The following ZDHHC7 variants were observed in gnomAD, a reference collection of about 807,000 sequenced individuals.
ZDHHC7 encodes palmitoyltransferase ZDHHC7.
ZDHHC7 carries 12 observed loss-of-function variants against 34.1 expected under a neutral mutation model. That is an observed-to-expected ratio of 0.35 (90% CI 0.23 to 0.57). ZDHHC7 has a LOEUF of 0.57. ZDHHC7 is among the 20% of genes least tolerant of loss of function. The pLI is 0.84. For missense variants in ZDHHC7, 388 were observed against 402.7 expected (o/e 0.96, Z 0.31); for synonymous variants, 185 against 155.4 (o/e 1.19, Z -1.42).
chr16:85,026,863 T>G, the ZDHHC7 span, among the ~76,000 whole-genome samples: 1 of 152,048 alleles, frequency 6.6e-6, no homozygotes, highest in Non-Finnish European at 1.5e-5. Context: ...AAATTTGAGG[T>G]GTCAGTCAAT....
chr16:85,005,521 T>C (rs990939108), intron 1 of ZDHHC7, among the ~76,000 whole-genome samples: 1 of 152,234 alleles, frequency 6.6e-6, no homozygotes, highest in Non-Finnish European at 1.5e-5. Context: ...AGTGCCTTGC[T>C]CAGATCCACA....
the ZDHHC7 span, among the ~76,000 whole-genome samples, chr16:85,025,709 CCT>C: frequency 2.0e-5 from 3 of 152,270 alleles, no homozygotes; most frequent in East Asian, 1.9e-4. Flanking sequence ...CGCCCGGCCC[CCT>C]CTCTTTTAAA....
rs537213356 is a variant in ZDHHC7 at position 84,974,209 on chromosome 16, G to A, written c.*2134C>T. On this transcript the variant is annotated 3_prime_UTR_variant, in exon 8 of 8. Coordinates refer to ENST00000313732, the MANE Select transcript of ZDHHC7 (RefSeq NM_017740.3). The stretch of plus-strand genomic sequence containing the variant: ...TTTGAAACATTGTTTTTATTTCAAC[G>A]TGCACTAAAAAAAGGACTAAGTAAA... The A allele has an allele frequency of 2.7e-4, 41 of 152,234 alleles. No individual in the cohort carries two copies. Among genetic ancestry groups the A allele is most frequent in the South Asian group, 8.3e-4 (4 of 4,832 alleles). 9.4% of individuals were successfully genotyped at this position (152,234 alleles called of 1,614,324 possible).
chr16:84,982,723 C>T (rs2072386578), intron 3 of ZDHHC7, among the ~76,000 whole-genome samples: 1 of 152,256 alleles, frequency 6.6e-6, no homozygotes, highest in Non-Finnish European at 1.5e-5. Context: ...GACCACCTGA[C>T]CCGATTCATG....
At chr16:84,995,198 G>T (rs542284431) in intron 2 of ZDHHC7, among the ~76,000 whole-genome samples, 2 of 152,268 alleles carry the variant, frequency 1.3e-5, no homozygotes, top group East Asian at 3.9e-4. Context: ...CCTAATGGCC[G>T]ATTTAATGGG....
chr16:85,012,001 C>T (rs2143775746), upstream of ZDHHC7, among the ~76,000 whole-genome samples: 1 of 152,312 alleles, frequency 6.6e-6, no homozygotes, highest in African/African-American at 2.4e-5. Flanking sequence ...CCGCGGAGCC[C>T]CCGGCCTCCT....
chr16:85,002,665 G>C (rs1177433597), intron 1 of ZDHHC7, among the ~76,000 whole-genome samples: 1 of 152,140 alleles, frequency 6.6e-6, no homozygotes, highest in African/African-American at 2.4e-5. Context: ...GGACATTAAG[G>C]AAAAGCTGAG....
chr16:85,020,910 G>C, the ZDHHC7 span, among the ~76,000 whole-genome samples: 1 of 151,948 alleles, frequency 6.6e-6, no homozygotes, highest in East Asian at 1.9e-4. Context: ...TTTGAGACCA[G>C]TCTGGGCAAC....
In ZDHHC7 at chr16:84,977,989, G is replaced by C. The variant is rs778309933; in HGVS notation, c.554C>G (p.Ser185Cys). The C allele has an allele frequency of 2.5e-6, 4 of 1,613,704 alleles. No individual in the cohort carries two copies. In the Admixed American group the frequency reaches 6.7e-5, roughly 27 times the overall value. The change falls in exon 6 of 8, where the codon TCT becomes TGT. Residue 185 changes from serine to cysteine, a missense_variant. Coordinates refer to ENST00000313732, the MANE Select transcript of ZDHHC7 (RefSeq NM_017740.3). The part of the protein sequence containing the change: ...FVLFTMYIAL[S>C]SVHALILCGF... Reference sequence around the variant, plus strand: ...ACAAAGGATCAGAGCATGGACTGAAGACAGAGCTATATACATCTAGAATGA... The same window carrying C: ...ACAAAGGATCAGAGCATGGACTGAACACAGAGCTATATACATCTAGAATGA...
At chr16:85,001,365 G>C (rs1289989610) in intron 1 of ZDHHC7, among the ~76,000 whole-genome samples, 1 of 151,108 alleles carries the variant, frequency 6.6e-6, no homozygotes, top group Non-Finnish European at 1.5e-5. Flanking sequence ...TAGCTACTTG[G>C]GCAGCTGAGG....
intron 3 of ZDHHC7, among the ~76,000 whole-genome samples, chr16:84,984,571 T>C (rs554109426): frequency 6.6e-6 from 1 of 152,294 alleles, no homozygotes; most frequent in East Asian, 1.9e-4. Context: ...ACCCCAACGC[T>C]ACCCCAGTTT....
chr16:85,023,189 C>T, the ZDHHC7 span, among the ~76,000 whole-genome samples: 9 of 142,976 alleles, frequency 6.3e-5, no homozygotes, highest in Admixed American at 1.4e-4. Context: ...TTTTTTGAGA[C>T]GAAGTATCGC....
At chr16:84,999,287 A>G (rs1327954404) in intron 1 of ZDHHC7, among the ~76,000 whole-genome samples, 1 of 152,200 alleles carries the variant, frequency 6.6e-6, no homozygotes, top group Non-Finnish European at 1.5e-5. Context: ...TTAAAAAGTA[A>G]CCACTTTGGA....
rs764180330 is a variant in ZDHHC7, at chr16:84,974,761, G to A, written c.*1582C>T. ...GTGACGCAGCTCTTCCCCCAACGGC[G>A]CACACGCTTCTGCGGTGACCAAGTC... On this transcript the variant is annotated 3_prime_UTR_variant, in exon 8 of 8. Transcript: ENST00000313732. 148 of 152,752 alleles carry A rather than the reference G, an allele frequency of 9.7e-4. No individual in the cohort carries two copies. Among genetic ancestry groups the A allele is most frequent in the Non-Finnish European group, 1.3e-3 (87 of 68,056 alleles). 9.5% of individuals were successfully genotyped at this position (152,752 alleles called of 1,614,324 possible). A position where few individuals can be genotyped will look rare whatever the true frequency, so the allele number is the denominator to read the frequency against.
intron 3 of ZDHHC7, among the ~76,000 whole-genome samples, chr16:84,983,850 A>C (rs551212911): frequency 6.6e-6 from 1 of 151,526 alleles, no homozygotes; most frequent in East Asian, 2.0e-4. Context: ...AAATACAAAA[A>C]TTAGCTGGGC....
chr16:85,019,662 G>A, the ZDHHC7 span, among the ~76,000 whole-genome samples: 1 of 152,116 alleles, frequency 6.6e-6, no homozygotes. Context: ...AGGTTACAGT[G>A]AGCCGAGATT....
intron 4 of ZDHHC7, 168 bp from the exon 5 acceptor site, chr16:84,979,453 T>A: frequency 2.8e-6 from 2 of 709,362 alleles, no homozygotes; most frequent in African/African-American, 1.9e-5. Flanking sequence ...TCATTTTAAT[T>A]AAATGTCTTC....
At chr16:85,018,527 A>G in the ZDHHC7 span, among the ~76,000 whole-genome samples, 1 of 151,830 alleles carries the variant, frequency 6.6e-6, no homozygotes, top group African/African-American at 2.4e-5. Context: ...AGCTCACCGC[A>G]ACCTCCATCT....
chr16:84,981,139 G>T (rs888836762), intron 4 of ZDHHC7, among the ~76,000 whole-genome samples: 1 of 152,098 alleles, frequency 6.6e-6, no homozygotes, highest in Non-Finnish European at 1.5e-5. Context: ...ACTTCAACAC[G>T]TGAAATCAAC....
Sources: gnomAD v4.1 joint callset for allele counts (sites outside exome capture counted in the v4.1 genomes callset) on GRCh38, gnomAD v4.1.1 for gene constraint, MANE v1.5 for transcripts, NCBI Gene and HGNC (gene_info 2026-07-23, HGNC 2026-07-21) for gene names.